Variants in ODAD3 observed in about 807,000 individuals in gnomAD.
ODAD3 encodes outer dynein arm-docking complex subunit 3.
Under a neutral mutation model 70.9 loss-of-function variants are expected in ODAD3, and 57 were observed. The ratio of observed to expected loss-of-function variants is 0.80; its 90% confidence interval spans 0.65 to 1.00. ODAD3 has a LOEUF of 1.00. Ranked by LOEUF, ODAD3 falls within the 50% of genes least tolerant of loss-of-function variation. ODAD3 has a pLI of 0.00. For synonymous variants in ODAD3, 327 were observed against 315.9 expected, an observed-to-expected ratio of 1.04 and a Z score of -0.37; for missense variants, 797 against 763.9, an observed-to-expected ratio of 1.04 and a Z score of -0.51.
intron 7 of ODAD3, 134 bp from the exon 8 acceptor site, chr19:11,424,163 T>C: frequency 8.6e-7 from 1 of 1,168,110 alleles, no homozygotes; most frequent in East Asian, 2.5e-5. Context: ...GGCAAAAGCT[T>C]GGGGCCAGAT....
intron 7 of ODAD3, among the ~76,000 whole-genome samples, chr19:11,425,390 T>G (rs1043522915): frequency 8.2e-6 from 1 of 122,396 alleles, no homozygotes; most frequent in African/African-American, 3.9e-5. Flanking sequence ...TGTATGTACA[T>G]ATGTGTATAT....
At chr19:11,427,359 A>G (rs1023398524) in intron 3 of ODAD3, among the ~76,000 whole-genome samples, 1 of 150,606 alleles carries the variant, frequency 6.6e-6, no homozygotes, top group Admixed American at 6.6e-5. Flanking sequence ...CTGTGGTGCA[A>G]TCTCGGCTCA....
At chr19:11,434,226 C>CA (rs66819446) in intron 1 of ODAD3, among the ~76,000 whole-genome samples, 1,454 of 80,430 alleles carry the variant, frequency 0.018, 83 homozygotes, top group East Asian at 0.039. Context: ...AAACAAAAAA[C>CA]AAAACAAAAA....
intron 8 of ODAD3, 101 bp downstream of exon 8, chr19:11,423,776 G>A: frequency 8.1e-7 from 1 of 1,240,406 alleles, no homozygotes. Context: ...ACCTGGCAGA[G>A]AGGGGAGACA....
chr19:11,425,754 ATGGGAGGCAGCCT>A lies in ODAD3; in HGVS notation c.963+377_963+389del, dbSNP rs542824907. Among the ~76,000 whole-genome samples, 798 of 150,970 alleles carry A rather than the reference ATGGGAGGCAGCCT, an allele frequency of 5.3e-3. 8 individuals are homozygous for A. The highest frequency in any genetic ancestry group is 9.9e-3 in the South Asian group (47 of 4,766). On this transcript the variant is annotated intron_variant, in intron 7 of 12. Transcript: ENST00000356392. ...AGGACAGGGCTTTGGTGAGGGCTGGATGGGAGGCAGCCTCAGGGCAGGTGCAGGGGCGGGGCCA... is the reference window on the plus strand; with the variant it reads ...AGGACAGGGCTTTGGTGAGGGCTGGACAGGGCAGGTGCAGGGGCGGGGCCA...
In ODAD3 at chr19:11,426,569, G is replaced by A. The variant is rs767800003; in HGVS notation, c.717C>T (p.Asp239=). ...VYLQLKAYLM[D]ESLNLENRLD... is the part of the protein sequence containing the mutation. The stretch of plus-strand genomic sequence containing the variant: ...GCCGGTTCTCCAAGTTGAGGCTCTC[G>A]TCCTGGGGCGTGGTGGGGAGGGGTA... Residue 239 remains aspartate, a splice_region_variant and synonymous_variant, in exon 6 of 13, where the codon GAC becomes GAT. Transcript: ENST00000356392. 2.4e-5 allele frequency: 39 copies of A among 1,613,854 alleles called. No individual in the cohort carries two copies. In the Admixed American group the frequency reaches 6.0e-4, roughly 25 times the overall value.
rs1413385314 is a variant in ODAD3 at position 11,422,598 on chromosome 19, T to C, written c.1307A>G (p.Glu436Gly). The change falls in exon 10 of 13, where the codon GAG (glutamate) becomes GGG (glycine). Residue 436 changes from glutamate (E) to glycine (G), a missense_variant. Glu to Gly is a moderately conservative substitution (Grantham distance 98). Transcript: ENST00000356392. This position sits in a 1 kb window ranked among gnomAD's most constrained non-coding sequence, Gnocchi z 4.6. ...CCGCCGCTCCTCCTTCTTGAGACGCTCCTGCGCCTCGGCTTGCAGTTTCTG... is the reference window on the plus strand; with the variant it reads ...CCGCCGCTCCTCCTTCTTGAGACGCCCCTGCGCCTCGGCTTGCAGTTTCTG... ...SQQKLQAEAQ[E>G]RLKKEERRHA... is the part of the protein sequence containing the mutation. 2 of 1,596,922 alleles carry C rather than the reference T, an allele frequency of 1.3e-6. No individual in the cohort carries two copies. The highest frequency in any genetic ancestry group is 2.3e-5 in the East Asian group (1 of 44,422).
chr19:11,424,379 G>A (rs1969213923), intron 7 of ODAD3, among the ~76,000 whole-genome samples: 1 of 151,716 alleles, frequency 6.6e-6, no homozygotes, highest in Admixed American at 6.6e-5. Context: ...TGGGGCGCCT[G>A]AAGTCCCAGC....
chr19:11,428,950 T>C (rs1007350276), intron 3 of ODAD3, among the ~76,000 whole-genome samples: 36 of 151,944 alleles, frequency 2.4e-4, no homozygotes, highest in African/African-American at 7.3e-4. Context: ...TGATCTCGGC[T>C]CACAGCAACC....
intron 3 of ODAD3, among the ~76,000 whole-genome samples, chr19:11,427,445 C>G (rs1443421903): frequency 6.6e-6 from 1 of 150,778 alleles, no homozygotes; most frequent in Non-Finnish European, 1.5e-5. Flanking sequence ...CAGGTGCCCA[C>G]CACCACGCCT....
chr19:11,424,098 G>T, intron 7 of ODAD3, 69 bp from the exon 8 acceptor site: 2 of 1,556,240 alleles, frequency 1.3e-6, no homozygotes, highest in Admixed American at 1.7e-5. Flanking sequence ...GCCGGGGAGG[G>T]GGATCCAGAT....
intron 1 of ODAD3, among the ~76,000 whole-genome samples, chr19:11,434,265 T>G (rs573955710): frequency 7.4e-5 from 11 of 148,994 alleles, no homozygotes; most frequent in Admixed American, 7.3e-4. Flanking sequence ...CTCACGCCTG[T>G]AATCCCAGCA....
In ODAD3 at chr19:11,420,964, G is replaced by C. The variant is rs377055121; in HGVS notation, c.1676-17C>G. The C allele has an allele frequency of 6.2e-5, 99 of 1,603,624 alleles. No individual in the cohort carries two copies. The African/African-American group carries it at 1.1e-3, about 18-fold the overall frequency. On this transcript the variant is annotated splice_polypyrimidine_tract_variant and intron_variant, in intron 12 of 12. Transcript: ENST00000356392. Reference sequence around the variant, plus strand: ...TCTCTTCGTCTAAGGGGGGTGGGGGGATGAGCAGGGAGCGATGTGGGATCC... The same window carrying C: ...TCTCTTCGTCTAAGGGGGGTGGGGGCATGAGCAGGGAGCGATGTGGGATCC...
chr19:11,425,074 T>C (rs1305559259), intron 7 of ODAD3, among the ~76,000 whole-genome samples: 1 of 136,142 alleles, frequency 7.3e-6, no homozygotes, highest in Non-Finnish European at 1.5e-5. Flanking sequence ...TATATATGTA[T>C]ATGTGTATAT....
rs1568346263 is a variant in ODAD3, at chr19:11,421,681, C to A, written c.1586G>T (p.Arg529Leu). 2 of 1,611,658 alleles carry A rather than the reference C, an allele frequency of 1.2e-6. No homozygotes were observed. Among genetic ancestry groups the A allele is most frequent in the South Asian group, 1.1e-5 (1 of 90,974 alleles). Residue 529 changes from arginine to leucine, a missense_variant, in exon 11 of 13, where the codon CGC (arginine) becomes CTC (leucine). Physicochemically the swap from Arg to Leu is moderately radical, Grantham distance 102 (BLOSUM62 -2). Transcript: ENST00000356392. ...TGCCCCATGGCTGCAGGGCACCTCG[C>A]GGTTAGCGATGTGGCACAGCATCTC... ...VQEMLCHIAN[R>L]EFLASLEGRL...
chr19:11,424,051 A>G (rs772078230), intron 7 of ODAD3, 22 bp from the exon 8 acceptor site: 3 of 1,595,860 alleles, frequency 1.9e-6, no homozygotes, highest in Non-Finnish European at 2.6e-6. Context: ...TTGAGGTCAG[A>G]GCCAGGGTCA....
chr19:11,424,419 T>C (rs965977919), intron 7 of ODAD3, among the ~76,000 whole-genome samples: 15 of 151,420 alleles, frequency 9.9e-5, no homozygotes, highest in Admixed American at 2.0e-4. Flanking sequence ...AGAGGATCAC[T>C]TGAGCCCAGG....
intron 7 of ODAD3, among the ~76,000 whole-genome samples, chr19:11,424,429 G>A (rs1164260942): frequency 6.6e-6 from 1 of 151,266 alleles, no homozygotes; most frequent in African/African-American, 2.4e-5. Context: ...TTGAGCCCAG[G>A]AGGTCGAGAC....
chr19:11,421,780 A>G lies in ODAD3; in HGVS notation c.1487T>C (p.Val496Ala). Residue 496 changes from valine (V) to alanine (A), a missense_variant, in exon 11 of 13, where the codon GTG (valine) becomes GCG (alanine). Coordinates refer to ENST00000356392, the MANE Select transcript of ODAD3 (RefSeq NM_145045.5). ...CTCCACGAGGCCCAGCAGGTTTGGC[A>G]CATAGTTATCTGCCTGGGGATCCAG... Reference protein sequence around the residue: ...KELDPQADNYVPNLLGLVEEK... With the variant: ...KELDPQADNYAPNLLGLVEEK... 6.2e-7 allele frequency: 1 copy of G among 1,613,372 alleles called. No homozygotes were observed. The highest frequency in any genetic ancestry group is 8.5e-7 in the Non-Finnish European group (1 of 1,179,994).
Sources: gnomAD v4.1 joint callset for allele counts (sites outside exome capture counted in the v4.1 genomes callset) on GRCh38, gnomAD v4.1.1 for gene constraint, Gnocchi (gnomAD v3.1) non-coding constraint, MANE v1.5 for transcripts, NCBI Gene and HGNC (gene_info 2026-07-23, HGNC 2026-07-21) for gene names.